CNTN5: variants seen among roughly 807,000 people sequenced by gnomAD.
The protein encoded by CNTN5 is contactin-5.
In CNTN5, 77 loss-of-function variants were observed where a neutral mutation model predicts 129.1. The ratio of observed to expected loss-of-function variants is 0.60; its 90% CI spans 0.50 to 0.72. The LOEUF is 0.72. CNTN5 is among the 30% of genes least tolerant of loss of function. The pLI, the probability that CNTN5 is intolerant of heterozygous loss-of-function variation, is 0.00. For synonymous variants in CNTN5, 509 were observed against 465.6 expected (o/e 1.09, Z -1.20); for missense variants, 1,478 against 1,328.8 (o/e 1.11, Z -1.75).
At chr11:99,880,849 A>T (rs1174613593) in intron 6 of CNTN5, among the ~76,000 whole-genome samples, 1 of 152,140 alleles carries the variant, frequency 6.6e-6, no homozygotes, top group Non-Finnish European at 1.5e-5. Flanking sequence ...CACCTCTACC[A>T]CTTCAACCAT....
At chr11:100,316,678 A>G (rs1951578852) in intron 21 of CNTN5, among the ~76,000 whole-genome samples, 1 of 152,232 alleles carries the variant, frequency 6.6e-6, no homozygotes, top group Admixed American at 6.5e-5. Context: ...GGTAATTTTT[A>G]AAACATTCAT....
At chr11:99,595,647 T>TC (rs1166705661) in intron 3 of CNTN5, among the ~76,000 whole-genome samples, 4 of 152,044 alleles carry the variant, frequency 2.6e-5, no homozygotes, top group Non-Finnish European at 5.9e-5. Context: ...CCAGTGTTTT[T>TC]CTCTAATACC....
At chr11:99,958,216 T>C (rs530953768) in intron 8 of CNTN5, among the ~76,000 whole-genome samples, 237 of 152,240 alleles carry the variant, frequency 1.6e-3, no homozygotes, top group Non-Finnish European at 2.6e-3. Flanking sequence ...AGGCGATAAA[T>C]GACTGAACAA....
intron 18 of CNTN5, among the ~76,000 whole-genome samples, chr11:100,294,750 T>C (rs1329151091): frequency 2.0e-5 from 3 of 151,672 alleles, no homozygotes; most frequent in Non-Finnish European, 4.4e-5. Context: ...GCAAGAATTA[T>C]AGAACTTTTA....
At chr11:99,063,555 C>T (rs1311844039) in intron 1 of CNTN5, among the ~76,000 whole-genome samples, 2 of 149,004 alleles carry the variant, frequency 1.3e-5, no homozygotes, top group African/African-American at 5.0e-5. Flanking sequence ...TAAATAAACG[C>T]ATGAGCATAT....
At chr11:100,171,908 C>G (rs1947839031) in intron 13 of CNTN5, among the ~76,000 whole-genome samples, 1 of 151,922 alleles carries the variant, frequency 6.6e-6, no homozygotes, top group African/African-American at 2.4e-5. Context: ...TTATATCTAG[C>G]TATAAATAGT....
chr11:99,981,150 T>C (rs1938325553), intron 8 of CNTN5, among the ~76,000 whole-genome samples: 1 of 146,118 alleles, frequency 6.8e-6, no homozygotes, highest in Non-Finnish European at 1.5e-5. Context: ...GGGAAATTGA[T>C]TCATGTGATG....
intron 13 of CNTN5, among the ~76,000 whole-genome samples, chr11:100,124,718 A>G (rs1946128786): frequency 6.6e-6 from 1 of 152,036 alleles, no homozygotes; most frequent in African/African-American, 2.4e-5. Flanking sequence ...AAGAGTAACA[A>G]ATTTCTGAAA....
At chr11:99,461,198 G>A (rs985510519) in intron 2 of CNTN5, among the ~76,000 whole-genome samples, 3 of 152,048 alleles carry the variant, frequency 2.0e-5, no homozygotes, top group African/African-American at 4.8e-5. Context: ...ATCAGTAGTT[G>A]ACTGGGATTC....
chr11:99,126,436 A>G (rs1362329084), intron 1 of CNTN5, among the ~76,000 whole-genome samples: 1 of 152,180 alleles, frequency 6.6e-6, no homozygotes. Flanking sequence ...GGCAAGAGAT[A>G]CTGCAGAAAA....
chr11:99,027,553 C>T (rs555034786), intron 1 of CNTN5, among the ~76,000 whole-genome samples: 7 of 151,528 alleles, frequency 4.6e-5, no homozygotes, highest in African/African-American at 1.4e-4. Context: ...AATTTGAAAC[C>T]GTAATAGTAT....
At chr11:99,654,698 T>C (rs962307169) in intron 3 of CNTN5, among the ~76,000 whole-genome samples, 3 of 152,220 alleles carry the variant, frequency 2.0e-5, no homozygotes, top group African/African-American at 7.2e-5. Flanking sequence ...TTAAAAGGTC[T>C]GAACATTAAT....
chr11:99,963,192 G>C lies in CNTN5; in HGVS notation c.877+6183G>C, dbSNP rs551439959. On this transcript the variant is annotated intron_variant, in intron 8 of 24. Transcript: ENST00000524871. Reference sequence around the variant, plus strand: ...ATCCCATTTGTCAATTTTGGCTTTTGTTGCCATTGCTTTTGGTGTTTTAGA... The same window carrying C: ...ATCCCATTTGTCAATTTTGGCTTTTCTTGCCATTGCTTTTGGTGTTTTAGA... Among the ~76,000 whole-genome samples, 5 of 152,242 alleles carry C rather than the reference G, an allele frequency of 3.3e-5. No individual in the cohort carries two copies. In the South Asian group the frequency reaches 8.3e-4, roughly 25 times the overall value.
chr11:100,131,912 A>C (rs978469355), intron 13 of CNTN5, among the ~76,000 whole-genome samples: 3 of 152,110 alleles, frequency 2.0e-5, no homozygotes, highest in Non-Finnish European at 2.9e-5. Flanking sequence ...ACCTTAGAGA[A>C]GCATTTAATT....
chr11:99,816,209 T>A (rs1398307479), intron 3 of CNTN5, among the ~76,000 whole-genome samples: 3 of 152,196 alleles, frequency 2.0e-5, no homozygotes, highest in African/African-American at 7.2e-5. Context: ...CTTTCCAGAT[T>A]CGAGTAGCTC....
At chr11:99,081,319 T>C (rs559856326) in intron 1 of CNTN5, among the ~76,000 whole-genome samples, 1 of 152,268 alleles carries the variant, frequency 6.6e-6, no homozygotes, top group South Asian at 2.1e-4. Flanking sequence ...ACCTCATTAA[T>C]TTAACAAAGA....
chr11:99,440,800 A>G (rs1332654632), intron 2 of CNTN5, among the ~76,000 whole-genome samples: 1 of 152,150 alleles, frequency 6.6e-6, no homozygotes, highest in Non-Finnish European at 1.5e-5. Context: ...TGGAAGTCAT[A>G]TTCTGTTGGT....
intron 3 of CNTN5, among the ~76,000 whole-genome samples, chr11:99,664,924 T>C (rs1482712317): frequency 6.6e-6 from 1 of 152,212 alleles, no homozygotes; most frequent in Non-Finnish European, 1.5e-5. Context: ...AAATGTTGTG[T>C]CTAACACAGA....
At chr11:99,197,261 T>C (rs118112485) in intron 1 of CNTN5, among the ~76,000 whole-genome samples, 1,687 of 152,014 alleles carry the variant, frequency 0.011, 21 homozygotes, top group Non-Finnish European at 0.018. Flanking sequence ...TATAATTCCT[T>C]CTCAAAACTT....
Sources: allele counts gnomAD v4.1 joint callset (sites outside exome capture counted in the v4.1 genomes callset), GRCh38; gene constraint gnomAD v4.1.1; transcripts MANE v1.5; gene names NCBI Gene and HGNC (gene_info 2026-07-23, HGNC 2026-07-21).